The following AFM variants were observed in gnomAD, a reference collection of about 807,000 sequenced individuals.
AFM encodes alpha-Alb.
In AFM, 82 loss-of-function variants were observed where a neutral mutation model predicts 68.7. The ratio of observed to expected loss-of-function variants is 1.19; its 90% CI spans 1.00 to 1.43. AFM has a LOEUF of 1.43. Among genes scored for constraint, AFM ranks in the 40% most tolerant of loss-of-function variants. The probability of loss-of-function intolerance (pLI) is 0.00; values close to 1 mark genes in which losing one functional copy is unlikely to be tolerated. For synonymous variants in AFM, 250 were observed against 234.2 expected, an observed-to-expected ratio of 1.07 and a Z score of -0.61; for missense variants, 772 against 701.8, an observed-to-expected ratio of 1.10 and a Z score of -1.13.
chr4:73,500,734 T>C (rs1055243006), intron 12 of AFM, among the ~76,000 whole-genome samples: 2 of 152,182 alleles, frequency 1.3e-5, no homozygotes, highest in Admixed American at 6.6e-5. Flanking sequence ...GTTTTGGACA[T>C]GAATTTTCTG....
intron 1 of AFM, among the ~76,000 whole-genome samples, chr4:73,482,180 A>G (rs1043964921): frequency 6.6e-6 from 1 of 152,218 alleles, no homozygotes; most frequent in African/African-American, 2.4e-5. Context: ...TGTATAGTTT[A>G]TGGTAACAGT....
At chr4:73,482,162 T>A (rs1720731562) in intron 1 of AFM, among the ~76,000 whole-genome samples, 1 of 152,242 alleles carries the variant, frequency 6.6e-6, no homozygotes, top group African/African-American at 2.4e-5. Flanking sequence ...TGGTATTTCT[T>A]GCATATATGT....
chr4:73,487,643 T>C, intron 5 of AFM, 81 bp from the exon 6 acceptor site: 1 of 958,232 alleles, frequency 1.0e-6, no homozygotes, highest in Non-Finnish European at 1.6e-6. Context: ...TTTGTAATAG[T>C]TTGAATGAAA....
At chr4:73,493,547 A>G (rs1003321948) in intron 8 of AFM, among the ~76,000 whole-genome samples, 8 of 152,218 alleles carry the variant, frequency 5.3e-5, no homozygotes, top group African/African-American at 1.9e-4. Flanking sequence ...CTGAATACTT[A>G]CTAAATTTTA....
intron 14 of AFM, among the ~76,000 whole-genome samples, 159 bp downstream of exon 14, chr4:73,503,269 T>A (rs1167298989): frequency 6.6e-6 from 1 of 152,170 alleles, no homozygotes; most frequent in Non-Finnish European, 1.5e-5. Flanking sequence ...CCTGTGTTTT[T>A]CTGGGTATCA....
intron 5 of AFM, 72 bp downstream of exon 5, chr4:73,487,171 AT>A: frequency 6.6e-7 from 1 of 1,516,732 alleles, no homozygotes. Context: ...CCTGACTTAT[AT>A]TATAGCAAAA....
intron 1 of AFM, among the ~76,000 whole-genome samples, chr4:73,482,858 C>T (rs950043400): frequency 6.6e-6 from 1 of 152,184 alleles, no homozygotes. Flanking sequence ...ACATATACCA[C>T]TACCTGACTC....
rs762755172 is a variant in AFM, at chr4:73,492,096, CTCTT to C, written c.1058+12_1058+15del. On this transcript the variant is annotated intron_variant, in intron 8 of 14. Coordinates refer to ENST00000226355, the MANE Select transcript of AFM (RefSeq NM_001133.2). ...ACACCTTCTTTGCGAAGTAATATAA[CTCTT>C]TATTGAATTTATAAGGGAAACAGAA... is the stretch of plus-strand genomic sequence containing the variant. 2 of 1,588,866 alleles carry C rather than the reference CTCTT, an allele frequency of 1.3e-6. No individual in the cohort carries two copies. Among genetic ancestry groups the C allele is most frequent in the Non-Finnish European group, 1.7e-6 (2 of 1,170,688 alleles).
chr4:73,491,194 A>T (rs934414032), intron 7 of AFM, among the ~76,000 whole-genome samples: 2 of 152,166 alleles, frequency 1.3e-5, no homozygotes, highest in African/African-American at 2.4e-5. Flanking sequence ...CCTCTCTCTA[A>T]TTCCCAACTC....
intron 5 of AFM, 106 bp downstream of exon 5, chr4:73,487,205 T>C: frequency 8.4e-7 from 1 of 1,190,590 alleles, no homozygotes; most frequent in Non-Finnish European, 1.2e-6. Flanking sequence ...ATATATGATG[T>C]TCTCTTGTCA....
Position 73,485,861 on chromosome 4 carries a change from G to A in AFM, c.271-1G>A. The A allele has an allele frequency of 6.2e-7, 1 of 1,612,754 alleles. No homozygotes were observed. The highest frequency in any genetic ancestry group is 8.5e-7 in the Non-Finnish European group (1 of 1,178,910). ...TTGTCCTTTTCTTCTCTGTTGTATA[G>A]AATAATGTTTTACAGGAAAAAATAT... is the stretch of plus-strand genomic sequence containing the variant. On this transcript the variant is annotated splice_acceptor_variant, in intron 3 of 14. Coordinates refer to ENST00000226355, the MANE Select transcript of AFM (RefSeq NM_001133.2). LOFTEE classifies it high-confidence loss of function.
chr4:73,492,255 A>G (rs1216331207), intron 8 of AFM, among the ~76,000 whole-genome samples, 169 bp downstream of exon 8: 1 of 152,190 alleles, frequency 6.6e-6, no homozygotes, highest in Non-Finnish European at 1.5e-5. Context: ...CAATTTTAAG[A>G]AAAAATCAAC....
At chr4:73,501,049 TTAAAA>T (rs1379627442) in intron 12 of AFM, among the ~76,000 whole-genome samples, 1 of 152,140 alleles carries the variant, frequency 6.6e-6, no homozygotes, top group Non-Finnish European at 1.5e-5. Context: ...ATTTTATTAC[TTAAAA>T]TAATTACTCT....
chr4:73,495,348 G>A lies in AFM; in HGVS notation c.1107G>A (p.Glu369=), dbSNP rs752367302. ...SRRHPDLSIP[E]LLRIVQIYKD... ...GACATCCAGACCTGTCTATACCAGA[G>A]CTTTTAAGAATTGTTCAAATATACA... Residue 369 remains glutamate (E), a synonymous_variant, in exon 9 of 15, where the codon GAG becomes GAA. Transcript: ENST00000226355. 6.2e-7 allele frequency: 1 copy of A among 1,612,982 alleles called. No individual in the cohort carries two copies. Among genetic ancestry groups the A allele is most frequent in the Non-Finnish European group, 8.5e-7 (1 of 1,179,664 alleles).
intron 8 of AFM, among the ~76,000 whole-genome samples, chr4:73,494,448 A>G (rs1721197305): frequency 6.6e-6 from 1 of 152,124 alleles, no homozygotes; most frequent in South Asian, 2.1e-4. Context: ...TCAAGATGAC[A>G]TCTCTGTCTT....
At chr4:73,482,545 C>T (rs1720743910) in intron 1 of AFM, among the ~76,000 whole-genome samples, 1 of 152,190 alleles carries the variant, frequency 6.6e-6, no homozygotes, top group Non-Finnish European at 1.5e-5. Context: ...TTGACATGCC[C>T]CTACAATACC....
At position 73,491,300 on chromosome 4, in the gene AFM, GAATGATATCCATTAGAA is replaced by G. The variant is rs572929597; in HGVS notation, c.844-547_844-531del. Among the ~76,000 whole-genome samples the G allele has an allele frequency of 1.3e-4, 20 of 152,260 alleles. No homozygotes were observed. The South Asian group carries it at 2.1e-3, about 16-fold the overall frequency. ...TTTGCTAACCTGAACAGCTTCAAAT[GAATGATATCCATTAGAA>G]AATGATATCCATTAGAAAATGATAC... On this transcript the variant is annotated intron_variant, in intron 7 of 14. Coordinates refer to ENST00000226355, the MANE Select transcript of AFM (RefSeq NM_001133.2).
intron 8 of AFM, among the ~76,000 whole-genome samples, chr4:73,494,256 A>T (rs939540610): frequency 1.3e-4 from 20 of 152,154 alleles, no homozygotes; most frequent in African/African-American, 4.6e-4. Context: ...AAAAACCAAG[A>T]TTAATCAAGA....
chr4:73,483,535 C>G (rs539422073), intron 1 of AFM, among the ~76,000 whole-genome samples: 4 of 152,190 alleles, frequency 2.6e-5, no homozygotes, highest in African/African-American at 9.7e-5. Context: ...TGCTGACCAC[C>G]AGCATGCTAC....
Sources: allele counts gnomAD v4.1 joint callset (sites outside exome capture counted in the v4.1 genomes callset), GRCh38; gene constraint gnomAD v4.1.1; transcripts MANE v1.5; gene names NCBI Gene and HGNC (gene_info 2026-07-23, HGNC 2026-07-21).